Variants in AQP7B observed in about 807,000 individuals in gnomAD.
The protein encoded by AQP7B is putative aquaporin-7B.
At chr2:94,594,221 T>C in the AQP7B span, among the ~76,000 whole-genome samples, 1 of 152,190 alleles carries the variant, frequency 6.6e-6, no homozygotes, top group East Asian at 1.9e-4. Flanking sequence ...ACCTGGCACA[T>C]GTTTCAGCAC....
chr2:94,592,100 C>T, the AQP7B span, among the ~76,000 whole-genome samples: 1 of 152,112 alleles, frequency 6.6e-6, no homozygotes, highest in Non-Finnish European at 1.5e-5. Flanking sequence ...AGGAAGGAGC[C>T]AGGCTTCCAG....
the AQP7B span, among the ~76,000 whole-genome samples, chr2:94,597,610 T>C: frequency 6.7e-6 from 1 of 150,364 alleles, no homozygotes; most frequent in Non-Finnish European, 1.5e-5. Flanking sequence ...ACAGTCTTTT[T>C]TGTTTTTTTT....
At chr2:94,587,747 G>A in the AQP7B span, among the ~76,000 whole-genome samples, 2 of 152,134 alleles carry the variant, frequency 1.3e-5, no homozygotes, top group African/African-American at 2.4e-5. Context: ...AAGACCACCA[G>A]CAGTGGACCA....
chr2:94,602,576 G>T, the AQP7B span: 2 of 1,600,942 alleles, frequency 1.2e-6, no homozygotes, highest in East Asian at 2.2e-5. Flanking sequence ...TTTTGGCTTC[G>T]GGGTCACCAT....
At chr2:94,596,843 G>T in the AQP7B span, among the ~76,000 whole-genome samples, 1 of 152,104 alleles carries the variant, frequency 6.6e-6, no homozygotes, top group Non-Finnish European at 1.5e-5. Flanking sequence ...GGGACTACAG[G>T]CACGTGCCAC....
the AQP7B span, among the ~76,000 whole-genome samples, chr2:94,590,835 T>G: frequency 6.6e-6 from 1 of 150,460 alleles, no homozygotes; most frequent in East Asian, 2.0e-4. Flanking sequence ...TCCCAACTAC[T>G]TGGGAGGCTG....
At chr2:94,602,461 A>C in the AQP7B span, 2 of 1,590,130 alleles carry the variant, frequency 1.3e-6, no homozygotes, top group Non-Finnish European at 1.7e-6. Flanking sequence ...GCTTCTGGGC[A>C]GGCAGCCCCC....
At chr2:94,599,195 C>A in the AQP7B span, among the ~76,000 whole-genome samples, 1 of 152,082 alleles carries the variant, frequency 6.6e-6, no homozygotes, top group East Asian at 1.9e-4. Context: ...CTCCTCCAGT[C>A]CCTCTACCTC....
At chr2:94,598,993 G>A in the AQP7B span, among the ~76,000 whole-genome samples, 1 of 152,054 alleles carries the variant, frequency 6.6e-6, no homozygotes, top group African/African-American at 2.4e-5. Context: ...TAGTAGAGAC[G>A]GGGTTTCACC....
At chr2:94,595,587 G>T in the AQP7B span, among the ~76,000 whole-genome samples, 1 of 152,070 alleles carries the variant, frequency 6.6e-6, no homozygotes, top group Non-Finnish European at 1.5e-5. Flanking sequence ...GGTAATTTTG[G>T]GTGCAGTGTG....
the AQP7B span, among the ~76,000 whole-genome samples, chr2:94,597,116 T>A: frequency 6.6e-6 from 1 of 152,180 alleles, no homozygotes; most frequent in Non-Finnish European, 1.5e-5. Context: ...GTGCTCTAGC[T>A]GCTGTCTCCT....
chr2:94,599,776 C>A, the AQP7B span, among the ~76,000 whole-genome samples: 53 of 152,332 alleles, frequency 3.5e-4, no homozygotes, highest in South Asian at 0.01. Flanking sequence ...CCTCCCTTCA[C>A]CCTGTCAGCC....
the AQP7B span, among the ~76,000 whole-genome samples, chr2:94,601,956 A>G: frequency 6.6e-6 from 1 of 151,766 alleles, no homozygotes; most frequent in Non-Finnish European, 1.5e-5. Flanking sequence ...GGTCAGTGGA[A>G]ATGAAGCTGA....
chr2:94,603,747 C>T, the AQP7B span: 3 of 1,518,218 alleles, frequency 2.0e-6, no homozygotes, highest in East Asian at 4.5e-5. Flanking sequence ...TGTGTCTCTT[C>T]ACCATCACGG....
the AQP7B span, among the ~76,000 whole-genome samples, chr2:94,600,601 G>A: frequency 6.6e-6 from 1 of 152,148 alleles, no homozygotes; most frequent in African/African-American, 2.4e-5. Context: ...GCTGGGATAG[G>A]GCTCAATGGC....
the AQP7B span, among the ~76,000 whole-genome samples, chr2:94,588,983 C>CTTT: frequency 5.2e-5 from 7 of 135,386 alleles, no homozygotes; most frequent in Admixed American, 7.5e-5. Context: ...GTTTTTTTTT[C>CTTT]TTTTTTTTTT....
chr2:94,601,841 A>G, the AQP7B span, among the ~76,000 whole-genome samples: 5 of 152,134 alleles, frequency 3.3e-5, no homozygotes, highest in African/African-American at 1.2e-4. Flanking sequence ...CAGTGGCTCT[A>G]GACTGAGGGT....
the AQP7B span, among the ~76,000 whole-genome samples, chr2:94,601,262 A>G: frequency 6.6e-6 from 1 of 152,318 alleles, no homozygotes; most frequent in South Asian, 2.1e-4. Flanking sequence ...ATAGTGCTTA[A>G]CTATCATTTG....
At chr2:94,588,173 CA>C in the AQP7B span, among the ~76,000 whole-genome samples, 1 of 151,964 alleles carries the variant, frequency 6.6e-6, no homozygotes, top group African/African-American at 2.4e-5. Flanking sequence ...GTGTAGCACG[CA>C]AATATGAGGC....
Sources: gnomAD v4.1 joint callset for allele counts (sites outside exome capture counted in the v4.1 genomes callset) on GRCh38, gnomAD v4.1.1 for gene constraint, MANE v1.5 for transcripts, NCBI Gene and HGNC (gene_info 2026-07-23, HGNC 2026-07-21) for gene names.